The following IKZF3 variants were observed in gnomAD, a reference collection of about 807,000 sequenced individuals.
IKZF3 encodes the protein zinc finger protein Aiolos.
Under a neutral mutation model 49.0 loss-of-function variants are expected in IKZF3, and 10 were observed. The ratio of observed to expected loss-of-function variants is 0.20; its 90% CI spans 0.13 to 0.35. IKZF3 has a LOEUF of 0.35. Ranked by LOEUF, IKZF3 falls within the 10% of genes least tolerant of loss-of-function variation. IKZF3 has a pLI of 1.00. For missense variants in IKZF3, 498 were observed against 664.8 expected (o/e 0.75, Z 2.76); for synonymous variants, 209 against 228.2 (o/e 0.92, Z 0.76).
chr17:39,785,436 C>T (rs753036512), intron 6 of IKZF3, among the ~76,000 whole-genome samples: 3 of 152,076 alleles, frequency 2.0e-5, no homozygotes, highest in Non-Finnish European at 4.4e-5. Context: ...ACCAAACCAC[C>T]CTATGAAATG....
intron 6 of IKZF3, among the ~76,000 whole-genome samples, chr17:39,780,975 C>A (rs1174200258): frequency 6.6e-6 from 1 of 152,148 alleles, no homozygotes; most frequent in Non-Finnish European, 1.5e-5. Flanking sequence ...AAGCTATTAA[C>A]AACTATTTGT....
At chr17:39,823,773 A>G (rs1336257990) in intron 3 of IKZF3, among the ~76,000 whole-genome samples, 1 of 152,248 alleles carries the variant, frequency 6.6e-6, no homozygotes, top group Non-Finnish European at 1.5e-5. Flanking sequence ...ATGGGTGCAT[A>G]GAAGTCAAGA....
chr17:39,812,846 C>A (rs1380166033), intron 3 of IKZF3, among the ~76,000 whole-genome samples: 1 of 152,188 alleles, frequency 6.6e-6, no homozygotes, highest in Non-Finnish European at 1.5e-5. Flanking sequence ...CGCCTGTAAT[C>A]CCAGAACTTT....
intron 1 of IKZF3, among the ~76,000 whole-genome samples, chr17:39,847,422 G>A (rs1431604422): frequency 1.3e-5 from 2 of 151,942 alleles, no homozygotes; most frequent in Non-Finnish European, 2.9e-5. Flanking sequence ...TGAACACTTC[G>A]AATAATACAG....
At chr17:39,813,911 G>A (rs746364615) in intron 3 of IKZF3, among the ~76,000 whole-genome samples, 5 of 152,218 alleles carry the variant, frequency 3.3e-5, no homozygotes, top group Non-Finnish European at 5.9e-5. Flanking sequence ...GCAGTACCGC[G>A]GGAGCCTCAG....
chr17:39,856,662 C>T (rs922586633), intron 1 of IKZF3, among the ~76,000 whole-genome samples: 2 of 151,612 alleles, frequency 1.3e-5, no homozygotes, highest in African/African-American at 4.8e-5. Flanking sequence ...AAAAATTAGC[C>T]GGGCGTGGTA....
intron 1 of IKZF3, among the ~76,000 whole-genome samples, chr17:39,861,435 T>C (rs1056447315): frequency 6.6e-6 from 1 of 152,042 alleles, no homozygotes; most frequent in African/African-American, 2.4e-5. Flanking sequence ...TGGGTGAACA[T>C]AATAGCAAAG....
intron 1 of IKZF3, among the ~76,000 whole-genome samples, chr17:39,845,283 A>G (rs1299547157): frequency 6.6e-6 from 1 of 152,120 alleles, no homozygotes; most frequent in Non-Finnish European, 1.5e-5. Context: ...GCACTTCGGA[A>G]GGCTGAGGCA....
At chr17:39,786,286 G>A (rs2060872992) in intron 6 of IKZF3, among the ~76,000 whole-genome samples, 1 of 152,206 alleles carries the variant, frequency 6.6e-6, no homozygotes, top group Non-Finnish European at 1.5e-5. Flanking sequence ...TGAATTTTAA[G>A]TAGGTCACTG....
At position 39,766,351 on chromosome 17, in the gene IKZF3, C is replaced by T; in HGVS notation, c.969G>A (p.Leu323=). Residue 323 remains leucine, a synonymous_variant, in exon 8 of 8, where the codon TTG becomes TTA. Transcript: ENST00000346872. ...SYLGAEALRP[L]VQTPPAPTSE... is the part of the protein sequence containing the mutation. ...AGGTGGGAGCAGGCGGTGTCTGGAC[C>T]AAGGGGCGCAGGGCTTCGGCGCCAA... The T allele has an allele frequency of 6.2e-7, 1 of 1,614,116 alleles. No individual in the cohort carries two copies. Among genetic ancestry groups the T allele is most frequent in the Non-Finnish European group, 8.5e-7 (1 of 1,180,024 alleles).
intron 3 of IKZF3, among the ~76,000 whole-genome samples, chr17:39,825,818 A>C (rs565706739): frequency 4.6e-5 from 7 of 152,312 alleles, no homozygotes; most frequent in Admixed American, 2.0e-4. Flanking sequence ...AAGTGTTCTA[A>C]TGGGGAGAGC....
At chr17:39,791,997 G>A (rs538210500) in intron 4 of IKZF3, among the ~76,000 whole-genome samples, 2 of 149,862 alleles carry the variant, frequency 1.3e-5, no homozygotes, top group African/African-American at 2.5e-5. Context: ...GGGTTCAAGT[G>A]AGCCTGTCAC....
intron 3 of IKZF3, among the ~76,000 whole-genome samples, chr17:39,818,372 CACTAT>C (rs1430350128): frequency 6.6e-6 from 1 of 152,114 alleles, no homozygotes; most frequent in African/African-American, 2.4e-5. Context: ...ACAATTACAA[CACTAT>C]ACTATAATAA....
At chr17:39,786,298 A>C (rs1435498782) in intron 6 of IKZF3, among the ~76,000 whole-genome samples, 1 of 152,222 alleles carries the variant, frequency 6.6e-6, no homozygotes, top group African/African-American at 2.4e-5. Flanking sequence ...AGGTCACTGA[A>C]TTTTGGGCGA....
In IKZF3 at chr17:39,839,366, T is replaced by C. The variant is rs1296599245; in HGVS notation, c.8-7215A>G. The C allele has an allele frequency of 1.4e-5, 8 of 585,356 alleles. No individual in the cohort carries two copies. In the East Asian group the frequency reaches 3.3e-4, roughly 24 times the overall value. The allele number at this position is 585,356 out of a possible 1,614,324, so 36.3% of individuals were successfully genotyped here. A position where few individuals can be genotyped will look rare whatever the true frequency, so the allele number is the denominator to read the frequency against. On this transcript the variant is annotated intron_variant, in intron 1 of 7. Coordinates refer to ENST00000346872, the MANE Select transcript of IKZF3 (RefSeq NM_012481.5). The stretch of plus-strand genomic sequence containing the variant: ...ATATGTGTGCCATCTCATGTGCAAT[T>C]CCTTACAGACTCAGCTTGGTTCTTT...
At chr17:39,824,078 G>A (rs1178314841) in intron 3 of IKZF3, among the ~76,000 whole-genome samples, 2 of 152,218 alleles carry the variant, frequency 1.3e-5, no homozygotes, top group Non-Finnish European at 2.9e-5. Flanking sequence ...GAAAGCAGCT[G>A]GGAAGGGGAC....
chr17:39,793,082 C>T (rs1466762627), intron 3 of IKZF3, 149 bp from the exon 4 acceptor site: 16 of 750,374 alleles, frequency 2.1e-5, no homozygotes, highest in East Asian at 5.2e-5. Flanking sequence ...GCACCATTAG[C>T]GTGACCGCAC....
intron 3 of IKZF3, among the ~76,000 whole-genome samples, chr17:39,816,096 T>G (rs1761980362): frequency 6.6e-6 from 1 of 152,232 alleles, no homozygotes; most frequent in South Asian, 2.1e-4. Context: ...TGAGTTGATG[T>G]AAATATTTGC....
chr17:39,819,783 C>G lies in IKZF3; in HGVS notation c.163+9604G>C, dbSNP rs569871856. ...CTCCTGGGCTCAAGTGATCCTCCCA[C>G]CTCAGCCTCCCAAGTAGCTGGGACT... On this transcript the variant is annotated intron_variant, in intron 3 of 7. Coordinates refer to ENST00000346872, the MANE Select transcript of IKZF3 (RefSeq NM_012481.5). Among the ~76,000 whole-genome samples the G allele has an allele frequency of 2.2e-4, 33 of 152,222 alleles. No homozygotes were observed. In the South Asian group the frequency reaches 6.8e-3, roughly 32 times the overall value.
Sources: gnomAD v4.1 joint callset for allele counts (sites outside exome capture counted in the v4.1 genomes callset) on GRCh38, gnomAD v4.1.1 for gene constraint, MANE v1.5 for transcripts, NCBI Gene and HGNC (gene_info 2026-07-23, HGNC 2026-07-21) for gene names.